Variants in MALRD1 observed in about 807,000 individuals in gnomAD.
MALRD1 encodes the protein MAM and LDL receptor class A domain containing 1.
In MALRD1, 247 loss-of-function variants were observed where a neutral mutation model predicts 242.1. The observed-to-expected ratio is 1.02, with a 90% CI of 0.92 to 1.13. The LOEUF is 1.13. Ranked by LOEUF, MALRD1 falls within the 50% of genes most tolerant of loss-of-function variation. The pLI is 0.00. For missense variants in MALRD1, 2,989 were observed against 2,533.1 expected, an observed-to-expected ratio of 1.18 and a Z score of -3.86; for synonymous variants, 995 against 866.6, an observed-to-expected ratio of 1.15 and a Z score of -2.60.
At chr10:19,063,243 C>G (rs1190229830) in intron 1 of MALRD1, among the ~76,000 whole-genome samples, 1 of 152,140 alleles carries the variant, frequency 6.6e-6, no homozygotes, top group Non-Finnish European at 1.5e-5. Flanking sequence ...CTTATAGAAC[C>G]TGTAAGAGGA....
At chr10:19,258,069 A>T (rs1392960990) in intron 19 of MALRD1, among the ~76,000 whole-genome samples, 1 of 152,154 alleles carries the variant, frequency 6.6e-6, no homozygotes, top group East Asian at 1.9e-4. Flanking sequence ...GAGTTACAAT[A>T]ACCAAACCAT....
At chr10:19,471,752 T>C (rs543155310) in intron 29 of MALRD1, among the ~76,000 whole-genome samples, 4 of 151,856 alleles carry the variant, frequency 2.6e-5, no homozygotes, top group Admixed American at 6.6e-5. Context: ...ACACTACTGA[T>C]TTTTGCAAGT....
intron 36 of MALRD1, among the ~76,000 whole-genome samples, chr10:19,622,289 G>A (rs1389425717): frequency 6.6e-6 from 1 of 151,414 alleles, no homozygotes. Flanking sequence ...AGGTTTGGAG[G>A]ATATAAAATT....
chr10:19,202,835 G>C (rs1344150489), intron 14 of MALRD1, among the ~76,000 whole-genome samples: 3 of 151,888 alleles, frequency 2.0e-5, no homozygotes, highest in African/African-American at 7.3e-5. Flanking sequence ...ATTGTCAACA[G>C]TTGCGGAAAG....
chr10:19,321,989 T>G (rs1460240792), intron 21 of MALRD1, among the ~76,000 whole-genome samples: 1 of 152,030 alleles, frequency 6.6e-6, no homozygotes, highest in East Asian at 1.9e-4. Flanking sequence ...TTTAATGAGG[T>G]GGTAGCATTA....
chr10:19,185,845 TA>T (rs1193980601), intron 14 of MALRD1, among the ~76,000 whole-genome samples: 2 of 105,748 alleles, frequency 1.9e-5, no homozygotes, highest in Non-Finnish European at 4.4e-5. Flanking sequence ...GTGTGTGTGT[TA>T]GTCTTTGAAT....
chr10:19,549,027 C>G (rs778722841), intron 32 of MALRD1, among the ~76,000 whole-genome samples: 1 of 152,118 alleles, frequency 6.6e-6, no homozygotes. Context: ...AGCAAAACAG[C>G]CTTAGTGCTA....
chr10:19,610,666 C>T (rs1050700339), intron 35 of MALRD1, among the ~76,000 whole-genome samples: 1 of 151,952 alleles, frequency 6.6e-6, no homozygotes, highest in Non-Finnish European at 1.5e-5. Context: ...TCAAAAACTG[C>T]AAGCAGTTGT....
intron 24 of MALRD1, among the ~76,000 whole-genome samples, chr10:19,337,944 C>A (rs1019126701): frequency 1.3e-5 from 2 of 151,804 alleles, no homozygotes; most frequent in Non-Finnish European, 2.9e-5. Flanking sequence ...CACTTGTAGT[C>A]CCAGCTACTC....
chr10:19,510,552 A>T (rs1398402690), intron 31 of MALRD1, among the ~76,000 whole-genome samples: 1 of 152,246 alleles, frequency 6.6e-6, no homozygotes, highest in Non-Finnish European at 1.5e-5. Flanking sequence ...GCATTTGTTT[A>T]ACAAAGCACA....
chr10:19,425,357 G>GA (rs1028988115), intron 28 of MALRD1, among the ~76,000 whole-genome samples: 3 of 152,128 alleles, frequency 2.0e-5, no homozygotes, highest in Non-Finnish European at 2.9e-5. Flanking sequence ...CAGCCCTGTG[G>GA]AAAAAATGGT....
chr10:19,353,868 TTTTG>T (rs532642522), intron 26 of MALRD1, among the ~76,000 whole-genome samples: 43 of 151,824 alleles, frequency 2.8e-4, no homozygotes, highest in East Asian at 1.9e-3. Flanking sequence ...TTTCTGGTGG[TTTTG>T]TTTGTTTGTT....
intron 21 of MALRD1, among the ~76,000 whole-genome samples, chr10:19,288,017 A>G (rs1245841797): frequency 6.6e-6 from 1 of 152,116 alleles, no homozygotes; most frequent in Non-Finnish European, 1.5e-5. Flanking sequence ...CATGACATGC[A>G]AAGTAATTTA....
chr10:19,211,684 C>CAAAAAAA lies in MALRD1; in HGVS notation c.2991+2032_2991+2038dup, dbSNP rs71387056. On this transcript the variant is annotated intron_variant, in intron 18 of 39. Transcript: ENST00000454679. ...CTGGGCAACAAAGCATGACTCCTCA[C>CAAAAAAA]AAAAAAAAAAAAAAAAAAAAAAAAA... Among the ~76,000 whole-genome samples the CAAAAAAA allele has an allele frequency of 3.0e-4, 20 of 67,352 alleles. 1 individual carries two copies. The highest frequency in any genetic ancestry group is 5.5e-4 in the African/African-American group (9 of 16,220). The allele number at this position is 67,352 out of a possible 152,430, so 44.2% of individuals were successfully genotyped here.
intron 26 of MALRD1, among the ~76,000 whole-genome samples, chr10:19,355,694 A>C (rs1844594663): frequency 6.6e-6 from 1 of 151,100 alleles, no homozygotes; most frequent in African/African-American, 2.4e-5. Context: ...GCCTTCAGAA[A>C]CTAAAAGTAT....
At chr10:19,418,238 C>G (rs1833585332) in intron 28 of MALRD1, among the ~76,000 whole-genome samples, 1 of 151,844 alleles carries the variant, frequency 6.6e-6, no homozygotes, top group Non-Finnish European at 1.5e-5. Context: ...AGTAAACTAG[C>G]TAGATAATAG....
intron 31 of MALRD1, among the ~76,000 whole-genome samples, chr10:19,499,443 T>C (rs879448283): frequency 8.2e-6 from 1 of 121,568 alleles, no homozygotes. Flanking sequence ...AAGGCCTGAA[T>C]AGAAAAAAAA....
chr10:19,164,659 A>T (rs569146275), intron 12 of MALRD1, among the ~76,000 whole-genome samples: 1 of 152,214 alleles, frequency 6.6e-6, no homozygotes, highest in Non-Finnish European at 1.5e-5. Flanking sequence ...TCCAAACAAC[A>T]TTGAGGGAAT....
intron 1 of MALRD1, 69 bp downstream of exon 1, chr10:19,049,206 C>G (rs1244019187): frequency 1.7e-6 from 2 of 1,196,476 alleles, no homozygotes; most frequent in Non-Finnish European, 2.1e-6. Flanking sequence ...TCTGAGCAGT[C>G]TGGGAGATTT....
Sources: allele counts gnomAD v4.1 joint callset (sites outside exome capture counted in the v4.1 genomes callset), GRCh38; gene constraint gnomAD v4.1.1; transcripts MANE v1.5; gene names NCBI Gene and HGNC (gene_info 2026-07-23, HGNC 2026-07-21).